Variants in SLC16A7 observed in about 807,000 individuals in gnomAD.
SLC16A7 encodes the protein monocarboxylate transporter 2.
In SLC16A7, 33 loss-of-function variants were observed where a neutral mutation model predicts 34.9. The observed-to-expected ratio is 0.94, with a 90% CI of 0.72 to 1.26. The LOEUF is 1.26. SLC16A7 is among the 50% of genes most tolerant of loss of function. SLC16A7 has a pLI of 0.00. For synonymous variants in SLC16A7, 201 were observed against 206.6 expected (o/e 0.97, Z 0.23); for missense variants, 573 against 578.1 (o/e 0.99, Z 0.09).
intron 3 of SLC16A7, among the ~76,000 whole-genome samples, chr12:59,721,151 G>A (rs187824124): frequency 2.6e-5 from 4 of 151,852 alleles, no homozygotes; most frequent in Non-Finnish European, 4.4e-5. Flanking sequence ...TCTCTCTCTC[G>A]CTATATGAGA....
At chr12:59,752,994 C>G (rs1193605669) in intron 3 of SLC16A7, among the ~76,000 whole-genome samples, 1 of 152,168 alleles carries the variant, frequency 6.6e-6, no homozygotes, top group Non-Finnish European at 1.5e-5. Context: ...AATTTCATAT[C>G]CAGCCAAACT....
At chr12:59,617,568 C>T (rs1009979503) in intron 1 of SLC16A7, among the ~76,000 whole-genome samples, 2 of 151,956 alleles carry the variant, frequency 1.3e-5, no homozygotes, top group Non-Finnish European at 2.9e-5. Context: ...CAGTTCTAAA[C>T]ATGTGACCTG....
Position 59,783,116 on chromosome 12 carries a change from ATATTCT to A in SLC16A7, c.*3439_*3444del, listed in dbSNP as rs1883363935. On this transcript the variant is annotated 3_prime_UTR_variant, in exon 6 of 6. Transcript: ENST00000547379. ...ATGTAGATGACATAAATATGAAGAG[ATATTCT>A]TGGTCAGTTGGTTGAAACATTTTTT... 1 of 152,172 alleles carries A rather than the reference ATATTCT, an allele frequency of 6.6e-6. No homozygotes were observed. Among genetic ancestry groups the A allele is most frequent in the African/African-American group, 2.4e-5 (1 of 41,444 alleles). 9.4% of individuals were successfully genotyped at this position (152,172 alleles called of 1,614,324 possible). A position where few individuals can be genotyped will look rare whatever the true frequency, so the allele number is the denominator to read the frequency against.
chr12:59,659,605 T>C (rs1053939001), intron 2 of SLC16A7, among the ~76,000 whole-genome samples: 2 of 152,114 alleles, frequency 1.3e-5, no homozygotes, highest in Non-Finnish European at 2.9e-5. Flanking sequence ...AGCTAGCCCC[T>C]TTGATTCATC....
intron 1 of SLC16A7, among the ~76,000 whole-genome samples, chr12:59,611,739 C>T (rs1473969695): frequency 2.0e-5 from 3 of 152,168 alleles, no homozygotes; most frequent in African/African-American, 7.2e-5. Flanking sequence ...ACACCCATTC[C>T]AAATGGGAGA....
chr12:59,773,716 C>T (rs1882459134), intron 4 of SLC16A7, among the ~76,000 whole-genome samples: 2 of 152,224 alleles, frequency 1.3e-5, no homozygotes, highest in South Asian at 4.1e-4. Flanking sequence ...AGGCATGTGC[C>T]ACCACACCCG....
Position 59,774,344 on chromosome 12 carries a change from T to C in SLC16A7, c.362-313T>C, listed in dbSNP as rs1268853052. Among the ~76,000 whole-genome samples, 3 of 152,190 alleles carry C rather than the reference T, an allele frequency of 2.0e-5. No homozygotes were observed. The East Asian group carries it at 5.8e-4, about 29-fold the overall frequency. ...GATCTGAGGAATTAAATGATTTTAA[T>C]TGAGAACTAATAATTTTGTCCTAGT... On this transcript the variant is annotated intron_variant, in intron 4 of 5. Transcript: ENST00000547379.
intron 1 of SLC16A7, among the ~76,000 whole-genome samples, chr12:59,616,474 A>G (rs1222890375): frequency 6.6e-6 from 1 of 152,208 alleles, no homozygotes; most frequent in Non-Finnish European, 1.5e-5. Context: ...AATTTGATAA[A>G]TATTTTAGCT....
chr12:59,756,698 C>G (rs28888472), intron 3 of SLC16A7, among the ~76,000 whole-genome samples: 1 of 136,316 alleles, frequency 7.3e-6, no homozygotes. Flanking sequence ...GACAGTGTGG[C>G]GATTCCTCAG....
chr12:59,637,607 T>G (rs983712037), intron 1 of SLC16A7, among the ~76,000 whole-genome samples: 3 of 152,098 alleles, frequency 2.0e-5, no homozygotes, highest in African/African-American at 7.2e-5. Flanking sequence ...ATGGCAAATT[T>G]ATTTAATCAA....
intron 1 of SLC16A7, among the ~76,000 whole-genome samples, chr12:59,603,666 T>C (rs1468630938): frequency 6.6e-6 from 1 of 152,204 alleles, no homozygotes; most frequent in Non-Finnish European, 1.5e-5. Flanking sequence ...CTATTATATT[T>C]GATTTTATAT....
chr12:59,670,055 A>G (rs1869546768), intron 2 of SLC16A7, among the ~76,000 whole-genome samples: 1 of 152,216 alleles, frequency 6.6e-6, no homozygotes, highest in South Asian at 2.1e-4. Flanking sequence ...TCTGAAATCA[A>G]GGTGTCAGCT....
intron 1 of SLC16A7, among the ~76,000 whole-genome samples, chr12:59,627,376 A>G (rs1592407150): frequency 1.3e-5 from 2 of 152,006 alleles, no homozygotes; most frequent in South Asian, 4.1e-4. Flanking sequence ...GTATACATCA[A>G]TTTCTTATGT....
At chr12:59,752,908 C>T (rs1487569094) in intron 3 of SLC16A7, among the ~76,000 whole-genome samples, 10 of 152,232 alleles carry the variant, frequency 6.6e-5, no homozygotes, top group East Asian at 5.8e-4. Flanking sequence ...GCGGATCTCT[C>T]GGCAGAAACT....
At chr12:59,672,635 T>G (rs576880202) in intron 2 of SLC16A7, among the ~76,000 whole-genome samples, 2 of 152,272 alleles carry the variant, frequency 1.3e-5, no homozygotes, top group African/African-American at 4.8e-5. Context: ...ATTTAATTTG[T>G]TTTTTGCTTT....
At chr12:59,762,233 A>C (rs1468044438) in intron 3 of SLC16A7, among the ~76,000 whole-genome samples, 2 of 152,162 alleles carry the variant, frequency 1.3e-5, no homozygotes, top group Non-Finnish European at 2.9e-5. Context: ...CATAAGCCAG[A>C]ATGCAATGGG....
At position 59,779,522 on chromosome 12, in the gene SLC16A7, T is replaced by TCAA. The variant is rs1410948311; in HGVS notation, c.1282_1284dup (p.Asn428dup). ...GTGTGGCTGCTCATTGGCAATGCTA[T>TCAA]CAACTATAGATTGCTTGCAAAGGAA... On this transcript the variant is annotated inframe_insertion, in exon 6 of 6. Coordinates refer to ENST00000547379, the MANE Select transcript of SLC16A7 (RefSeq NM_001270623.2). 3.7e-6 allele frequency: 6 copies of TCAA among 1,612,794 alleles called. No homozygotes were observed. Among genetic ancestry groups the TCAA allele is most frequent in the Non-Finnish European group, 5.1e-6 (6 of 1,179,160 alleles).
At chr12:59,759,860 A>C (rs1404007192) in intron 3 of SLC16A7, among the ~76,000 whole-genome samples, 1 of 152,076 alleles carries the variant, frequency 6.6e-6, no homozygotes, top group Non-Finnish European at 1.5e-5. Context: ...TCTTCCTTAA[A>C]TTGCACAATT....
chr12:59,692,992 G>T (rs1265590871), intron 2 of SLC16A7, among the ~76,000 whole-genome samples: 1 of 151,962 alleles, frequency 6.6e-6, no homozygotes, highest in Non-Finnish European at 1.5e-5. Flanking sequence ...TTAATTTGAT[G>T]TTGCTATATC....
Sources: allele counts gnomAD v4.1 joint callset (sites outside exome capture counted in the v4.1 genomes callset), GRCh38; gene constraint gnomAD v4.1.1; transcripts MANE v1.5; gene names NCBI Gene and HGNC (gene_info 2026-07-23, HGNC 2026-07-21).